XIRP2: variants seen among roughly 807,000 people sequenced by gnomAD.
XIRP2 encodes the protein xin actin binding repeat containing 2.
In XIRP2, 236 loss-of-function variants were observed where a neutral mutation model predicts 277.0. The observed-to-expected ratio is 0.85, with a 90% CI of 0.77 to 0.95. The LOEUF (loss-of-function observed/expected upper bound fraction) is 0.95, where lower values mean the gene tolerates loss of function less well. Ranked by LOEUF, XIRP2 falls within the 40% of genes least tolerant of loss-of-function variation. The probability of loss-of-function intolerance (pLI) is 0.00; values close to 1 mark genes in which losing one functional copy is unlikely to be tolerated. For missense variants in XIRP2, 4,640 were observed against 4,157.5 expected (o/e 1.12, Z -3.19); for synonymous variants, 1,490 against 1,416.5 (o/e 1.05, Z -1.17).
At chr2:166,947,171 A>C (rs989424459) in intron 2 of XIRP2, among the ~76,000 whole-genome samples, 3 of 152,252 alleles carry the variant, frequency 2.0e-5, no homozygotes, top group African/African-American at 7.2e-5. Flanking sequence ...TTTCAAAAAA[A>C]AGGTGGCATT....
chr2:167,171,115 GT>G (rs1692678213), intron 3 of XIRP2, among the ~76,000 whole-genome samples: 1 of 151,778 alleles, frequency 6.6e-6, no homozygotes, highest in Non-Finnish European at 1.5e-5. Flanking sequence ...GGCCAGGCTG[GT>G]CTCGAACTCC....
chr2:167,198,878 G>T (rs927021961), intron 3 of XIRP2, among the ~76,000 whole-genome samples: 2 of 152,132 alleles, frequency 1.3e-5, no homozygotes, highest in Admixed American at 6.5e-5. Flanking sequence ...AAGTTCAAAA[G>T]AAAAAATATC....
At chr2:166,898,318 T>G (rs943557487) in intron 1 of XIRP2, among the ~76,000 whole-genome samples, 4 of 152,110 alleles carry the variant, frequency 2.6e-5, no homozygotes, top group African/African-American at 9.7e-5. Flanking sequence ...GATTAAAAAC[T>G]CACACAGGTA....
rs1390145045 is a variant in XIRP2, at chr2:167,250,613, T to C, written c.9221T>C (p.Ile3074Thr). The C allele has an allele frequency of 1.2e-6, 2 of 1,612,886 alleles. No individual in the cohort carries two copies. Among genetic ancestry groups the C allele is most frequent in the African/African-American group, 1.3e-5 (1 of 74,702 alleles). ...AATAGTGAACAGAAAGAAAATAAAA[T>C]TGCCAAAGAGAAAACAGTACAGCAC... ...NKNSEQKENK[I>T]AKEKTVQHQV... The change falls in exon 9 of 11, where the codon ATT becomes ACT. Residue 3074 changes from isoleucine (I) to threonine (T), a missense_variant. By Grantham distance (89) the Ile-to-Thr change is moderately conservative. Transcript: ENST00000409195.
chr2:167,223,216 T>C (rs889668772), intron 5 of XIRP2, among the ~76,000 whole-genome samples: 26 of 152,296 alleles, frequency 1.7e-4, no homozygotes, highest in African/African-American at 6.0e-4. Flanking sequence ...GTTGCTTTTT[T>C]TTTCCTAAGT....
chr2:167,173,596 G>T (rs559513539), intron 3 of XIRP2, among the ~76,000 whole-genome samples: 1 of 152,306 alleles, frequency 6.6e-6, no homozygotes, highest in South Asian at 2.1e-4. Flanking sequence ...AAACATGAGA[G>T]TGCAGATATC....
intron 2 of XIRP2, among the ~76,000 whole-genome samples, chr2:166,999,945 A>G (rs1477477557): frequency 1.3e-5 from 2 of 152,116 alleles, no homozygotes; most frequent in Non-Finnish European, 2.9e-5. Flanking sequence ...CCTGTAGAGA[A>G]CTCAAGTAGA....
chr2:167,089,869 G>A (rs1690090525), intron 2 of XIRP2, among the ~76,000 whole-genome samples: 1 of 152,030 alleles, frequency 6.6e-6, no homozygotes, highest in Non-Finnish European at 1.5e-5. Context: ...TGGTAGTAGA[G>A]ACAGAGGCTT....
At chr2:167,252,560 C>G (rs556316852) in intron 9 of XIRP2, among the ~76,000 whole-genome samples, 32 of 151,924 alleles carry the variant, frequency 2.1e-4, no homozygotes, top group African/African-American at 7.2e-4. Context: ...AAAAAATAAA[C>G]TAAATCACTG....
intron 2 of XIRP2, among the ~76,000 whole-genome samples, chr2:167,119,832 C>A (rs1454506388): frequency 6.6e-6 from 1 of 152,152 alleles, no homozygotes; most frequent in Non-Finnish European, 1.5e-5. Flanking sequence ...TCCCTCATTG[C>A]TGCAAATGTT....
chr2:167,190,528 G>C (rs1049294378), intron 3 of XIRP2, among the ~76,000 whole-genome samples: 1 of 151,916 alleles, frequency 6.6e-6, no homozygotes, highest in African/African-American at 2.4e-5. Context: ...TCCACAATAT[G>C]GTCTTCTCCT....
chr2:167,230,215 T>C (rs1299243962), intron 5 of XIRP2, among the ~76,000 whole-genome samples: 1 of 152,138 alleles, frequency 6.6e-6, no homozygotes, highest in African/African-American at 2.4e-5. Context: ...ATTCAACGTA[T>C]AGCAGTGTTT....
In XIRP2 at chr2:167,231,383, T is replaced by C. The variant is rs766001727; in HGVS notation, c.859-8472T>C. On this transcript the variant is annotated intron_variant, in intron 5 of 10. Transcript: ENST00000409195. ...TGTCCTTGTAACGTCTCATGGAACATACGTTACCAAAAAATAAGCCCAAAT... is the reference window on the plus strand; with the variant it reads ...TGTCCTTGTAACGTCTCATGGAACACACGTTACCAAAAAATAAGCCCAAAT... Among the ~76,000 whole-genome samples, 30 of 152,008 alleles carry C rather than the reference T, an allele frequency of 2.0e-4. 1 individual carries two copies. Among genetic ancestry groups the C allele is most frequent in the Non-Finnish European group, 3.8e-4 (26 of 67,962 alleles).
intron 2 of XIRP2, among the ~76,000 whole-genome samples, chr2:167,010,449 A>G (rs1159682997): frequency 4.6e-5 from 7 of 151,984 alleles, no homozygotes; most frequent in African/African-American, 7.2e-5. Context: ...TGGTACCAGT[A>G]CCATGCTGTT....
chr2:167,243,874 A>G lies in XIRP2; in HGVS notation c.2482A>G (p.Ile828Val). 6.2e-7 allele frequency: 1 copy of G among 1,614,044 alleles called. No individual in the cohort carries two copies. Among genetic ancestry groups the G allele is most frequent in the Non-Finnish European group, 8.5e-7 (1 of 1,179,948 alleles). Reference protein sequence around the residue: ...EKIKESEEVIIEKEKIIGTDV... With the variant: ...EKIKESEEVIVEKEKIIGTDV... Reference sequence around the variant, plus strand: ...AATCAAAGAGTCAGAAGAGGTCATCATTGAAAAGGAAAAAATAATAGGTAC... The same window carrying G: ...AATCAAAGAGTCAGAAGAGGTCATCGTTGAAAAGGAAAAAATAATAGGTAC... The change falls in exon 9 of 11, where the codon ATT becomes GTT. Residue 828 changes from isoleucine to valine, a missense_variant. Transcript: ENST00000409195.
rs1407432555 is a variant in XIRP2 at position 166,974,116 on chromosome 2, CAT to C, written c.408+70227_408+70228del. On this transcript the variant is annotated intron_variant, in intron 2 of 10. Coordinates refer to ENST00000409195, the MANE Select transcript of XIRP2 (RefSeq NM_152381.6). ...TGATAGGTTTCAACTTAAAAAATAA[CAT>C]GTGCTGATTGCGATCTGTGTTTCTG... Among the ~76,000 whole-genome samples, 21 of 152,262 alleles carry C rather than the reference CAT, an allele frequency of 1.4e-4. 1 individual carries two copies. The South Asian group carries it at 4.1e-3, about 30-fold the overall frequency.
chr2:167,079,302 A>G (rs1014939724), intron 2 of XIRP2, among the ~76,000 whole-genome samples: 2 of 152,002 alleles, frequency 1.3e-5, no homozygotes, highest in Admixed American at 6.6e-5. Flanking sequence ...TTTCTTTTAC[A>G]TTGTGTGTTT....
rs1163552404 is a variant in XIRP2, at chr2:166,931,128, AAG to A, written c.408+27244_408+27245del. 7.9e-5 allele frequency among the ~76,000 whole-genome samples: 12 copies of A among 152,322 alleles called. No individual in the cohort carries two copies. In the East Asian group the frequency reaches 2.3e-3, roughly 29 times the overall value. On this transcript the variant is annotated intron_variant, in intron 2 of 10. Transcript: ENST00000409195. Reference sequence around the variant, plus strand: ...GACTGAAAAAGAAGATTTTGGAACAAAGAGAGAAATAAGATTAGTGTAGGTCG... The same window carrying A: ...GACTGAAAAAGAAGATTTTGGAACAAAGAGAAATAAGATTAGTGTAGGTCG...
At chr2:167,015,346 C>G (rs939536072) in intron 2 of XIRP2, among the ~76,000 whole-genome samples, 1 of 151,710 alleles carries the variant, frequency 6.6e-6, no homozygotes, top group Non-Finnish European at 1.5e-5. Flanking sequence ...TCAGCCTTTT[C>G]TTTGTATCAT....
Sources: gnomAD v4.1 joint callset for allele counts (sites outside exome capture counted in the v4.1 genomes callset) on GRCh38, gnomAD v4.1.1 for gene constraint, MANE v1.5 for transcripts, NCBI Gene and HGNC (gene_info 2026-07-23, HGNC 2026-07-21) for gene names.